SRGAP2: variants seen among roughly 807,000 people sequenced by gnomAD.
The protein encoded by SRGAP2 is SLIT-ROBO Rho GTPase activating protein 2.
Under a neutral mutation model 57.2 loss-of-function variants are expected in SRGAP2, and 15 were observed. The ratio of observed to expected loss-of-function variants is 0.26; its 90% CI spans 0.18 to 0.40. The LOEUF is 0.40. SRGAP2 is among the 10% of genes least tolerant of loss of function. The pLI is 1.00. For missense variants in SRGAP2, 520 were observed against 669.6 expected (o/e 0.78, Z 2.47); for synonymous variants, 249 against 248.0 (o/e 1.00, Z -0.04).
chr1:206,435,636 TTGAGGAC>T (rs1164439075), intron 14 of SRGAP2, among the ~76,000 whole-genome samples: 2 of 152,228 alleles, frequency 1.3e-5, no homozygotes, highest in East Asian at 3.8e-4. Flanking sequence ...AAGCCTGGTG[TTGAGGAC>T]TGAGTATGAT....
chr1:206,366,221 C>A (rs186395861), intron 4 of SRGAP2, among the ~76,000 whole-genome samples: 4 of 152,368 alleles, frequency 2.6e-5, no homozygotes, highest in Admixed American at 6.5e-5. Flanking sequence ...GGCTTGGAGA[C>A]CCTGACCCCA....
chr1:206,263,675 A>T lies in SRGAP2; in HGVS notation c.68-39606A>T, dbSNP rs547519292. On this transcript the variant is annotated intron_variant, in intron 2 of 22. Coordinates refer to ENST00000573034, the MANE Select transcript of SRGAP2 (RefSeq NM_015326.5). ...ATAGTCATTTAATACATATGTATTG[A>T]GTATTTAACTTTGTGCTGGGCACTG... Among the ~76,000 whole-genome samples the T allele has an allele frequency of 2.6e-5, 4 of 151,544 alleles. No homozygotes were observed. In the East Asian group the frequency reaches 6.1e-4, roughly 23 times the overall value.
At chr1:206,220,945 CT>C (rs781891456) in intron 2 of SRGAP2, among the ~76,000 whole-genome samples, 239 of 121,328 alleles carry the variant, frequency 2.0e-3, no homozygotes, top group Non-Finnish European at 1.8e-3. Flanking sequence ...TGTATGTTGT[CT>C]TTTTTTTTTT....
intron 4 of SRGAP2, among the ~76,000 whole-genome samples, chr1:206,355,640 G>A (rs1553339152): frequency 6.6e-6 from 1 of 152,154 alleles, no homozygotes; most frequent in South Asian, 2.1e-4. Context: ...GTTACTTTTT[G>A]TCATCTTTGT....
intron 4 of SRGAP2, among the ~76,000 whole-genome samples, chr1:206,376,090 A>G (rs1571995881): frequency 6.7e-6 from 1 of 148,438 alleles, no homozygotes; most frequent in East Asian, 2.0e-4. Flanking sequence ...TCCTAGTTGT[A>G]CAGCCAAGAA....
At chr1:206,369,593 A>C (rs1297803576) in intron 4 of SRGAP2, among the ~76,000 whole-genome samples, 1 of 152,230 alleles carries the variant, frequency 6.6e-6, no homozygotes, top group Non-Finnish European at 1.5e-5. Flanking sequence ...TGGGCAAAAG[A>C]CTTGAATAGG....
intron 4 of SRGAP2, among the ~76,000 whole-genome samples, chr1:206,369,358 A>G (rs1654315766): frequency 6.6e-6 from 1 of 151,936 alleles, no homozygotes; most frequent in Non-Finnish European, 1.5e-5. Context: ...GATTTCTTAC[A>G]TATGACACCA....
chr1:206,239,638 A>G (rs1474519879), intron 2 of SRGAP2, among the ~76,000 whole-genome samples: 3 of 142,682 alleles, frequency 2.1e-5, no homozygotes, highest in Non-Finnish European at 4.5e-5. Context: ...TTATATTTTT[A>G]GTAGAGATGG....
At chr1:206,268,185 AT>A (rs1447963651) in intron 2 of SRGAP2, among the ~76,000 whole-genome samples, 3 of 150,760 alleles carry the variant, frequency 2.0e-5, no homozygotes, top group Admixed American at 6.6e-5. Context: ...TGCTGCACCC[AT>A]TAACTCTTCA....
chr1:206,215,339 T>TTAA (rs1666583079), intron 2 of SRGAP2, among the ~76,000 whole-genome samples: 1 of 148,066 alleles, frequency 6.8e-6, no homozygotes, highest in South Asian at 2.2e-4. Context: ...AAACACTTAT[T>TTAA]GTCTGTAGTA....
chr1:206,318,874 C>T (rs1419766199), intron 3 of SRGAP2, among the ~76,000 whole-genome samples: 1 of 151,606 alleles, frequency 6.6e-6, no homozygotes, highest in African/African-American at 2.4e-5. Flanking sequence ...CCACCAGGCC[C>T]CACCTCCAAC....
intron 4 of SRGAP2, among the ~76,000 whole-genome samples, chr1:206,356,928 A>G (rs1676484442): frequency 7.2e-6 from 1 of 139,386 alleles, no homozygotes. Context: ...TCTACAAATC[A>G]TTTGGGTCTA....
chr1:206,310,015 G>GAACT (rs528117461), intron 3 of SRGAP2, among the ~76,000 whole-genome samples: 56 of 150,416 alleles, frequency 3.7e-4, no homozygotes, highest in African/African-American at 1.3e-3. Context: ...GCGTCTGATG[G>GAACT]AACTAGAAGT....
intron 3 of SRGAP2, among the ~76,000 whole-genome samples, chr1:206,324,332 GT>G (rs1553328999): frequency 6.6e-6 from 1 of 151,856 alleles, no homozygotes; most frequent in African/African-American, 2.4e-5. Context: ...GTACTGATAG[GT>G]TTAACCATCA....
intron 4 of SRGAP2, among the ~76,000 whole-genome samples, chr1:206,353,947 G>C (rs1553338796): frequency 6.6e-6 from 1 of 151,180 alleles, no homozygotes; most frequent in African/African-American, 2.4e-5. Flanking sequence ...CTACAGGTGT[G>C]TACCATCATG....
intron 2 of SRGAP2, among the ~76,000 whole-genome samples, chr1:206,280,599 T>C (rs1670674992): frequency 7.0e-6 from 1 of 142,656 alleles, no homozygotes; most frequent in South Asian, 2.4e-4. Flanking sequence ...GAAAACGCTG[T>C]CTCAGACTGT....
chr1:206,414,118 G>A (rs182581095), intron 10 of SRGAP2, among the ~76,000 whole-genome samples: 8 of 147,914 alleles, frequency 5.4e-5, no homozygotes, highest in Admixed American at 3.4e-4. Context: ...TGCAAGCTCC[G>A]CCTCCCAGGT....
rs1221299981 is a variant in SRGAP2, at chr1:206,393,011, G to A, written c.702+107G>A. The A allele has an allele frequency of 5.6e-6, 4 of 714,494 alleles. No individual in the cohort carries two copies. In the Admixed American group the frequency reaches 6.0e-5, roughly 11 times the overall value. 44.3% of individuals were successfully genotyped at this position (714,494 alleles called of 1,614,324 possible). A position where few individuals can be genotyped will look rare whatever the true frequency, so the allele number is the denominator to read the frequency against. On this transcript the variant is annotated intron_variant, in intron 6 of 22. Transcript: ENST00000573034. Reference sequence around the variant, plus strand: ...GGGAAGAGCAGACGAGGAAGCTCTGGGTTCTTTTAGTGCCTAATGACTGAA... The same window carrying A: ...GGGAAGAGCAGACGAGGAAGCTCTGAGTTCTTTTAGTGCCTAATGACTGAA...
chr1:206,383,464 A>G (rs1280306051), intron 4 of SRGAP2, among the ~76,000 whole-genome samples: 3 of 152,176 alleles, frequency 2.0e-5, no homozygotes, highest in African/African-American at 7.2e-5. Flanking sequence ...AGTAACAGCT[A>G]ATCTCACAGG....
Sources: gnomAD v4.1 joint callset for allele counts (sites outside exome capture counted in the v4.1 genomes callset) on GRCh38, gnomAD v4.1.1 for gene constraint, MANE v1.5 for transcripts, NCBI Gene and HGNC (gene_info 2026-07-23, HGNC 2026-07-21) for gene names.